The following CPD variants were observed in gnomAD, a reference collection of about 807,000 sequenced individuals.
CPD encodes the protein carboxypeptidase D, also known as metallocarboxypeptidase D.
In CPD, 69 loss-of-function variants were observed where a neutral mutation model predicts 138.3. That is an observed-to-expected ratio of 0.50 (90% CI 0.41 to 0.61). The LOEUF is 0.61. Among genes scored for constraint, CPD ranks in the 20% least tolerant of loss-of-function variants. The pLI, the probability that CPD is intolerant of heterozygous loss-of-function variation, is 0.00. For synonymous variants in CPD, 651 were observed against 642.1 expected (o/e 1.01, Z -0.21); for missense variants, 1,432 against 1,733.3 (o/e 0.83, Z 3.09).
rs1912449588 is a variant in CPD, at chr17:30,427,517, T to C, written c.1976T>C (p.Met659Thr). The C allele has an allele frequency of 6.2e-7, 1 of 1,614,060 alleles. No individual in the cohort carries two copies. The highest frequency in any genetic ancestry group is 1.7e-5 in the Admixed American group (1 of 60,008). ...GAAACTATTGCTGTAATGAGCTGGATGAAGTCCTATCCATTTGTACTTTCA... is the reference window on the plus strand; with the variant it reads ...GAAACTATTGCTGTAATGAGCTGGACGAAGTCCTATCCATTTGTACTTTCA... ...QPETIAVMSW[M>T]KSYPFVLSAN... The change falls in exon 7 of 21, where the codon ATG (methionine) becomes ACG (threonine). Residue 659 changes from methionine to threonine, a missense_variant. Coordinates refer to ENST00000225719, the MANE Select transcript of CPD (RefSeq NM_001304.5).
chr17:30,407,884 C>G (rs1158755477), intron 2 of CPD, among the ~76,000 whole-genome samples: 2 of 152,144 alleles, frequency 1.3e-5, no homozygotes, highest in Non-Finnish European at 2.9e-5. Flanking sequence ...GTCATGAAGT[C>G]TTTGTCCATG....
At chr17:30,419,741 C>G (rs1912218529) in intron 2 of CPD, among the ~76,000 whole-genome samples, 1 of 152,144 alleles carries the variant, frequency 6.6e-6, no homozygotes, top group South Asian at 2.1e-4. Flanking sequence ...TAAATAAAGA[C>G]CCATGTTAAT....
At chr17:30,442,272 T>A (rs771443869) in intron 9 of CPD, 36 bp from the exon 10 acceptor site, 17 of 1,603,372 alleles carry the variant, frequency 1.1e-5, no homozygotes, top group Non-Finnish European at 1.3e-5. Context: ...GTTTAGAACT[T>A]CTTCAGAGTG....
intron 14 of CPD, 129 bp from the exon 15 acceptor site, chr17:30,455,210 G>A (rs1165222426): frequency 3.8e-6 from 3 of 781,526 alleles, no homozygotes; most frequent in Non-Finnish European, 6.1e-6. Flanking sequence ...GGCTTATGGA[G>A]AAATAAAATA....
intron 2 of CPD, among the ~76,000 whole-genome samples, chr17:30,413,622 C>T (rs1274270493): frequency 1.3e-5 from 2 of 152,188 alleles, no homozygotes. Context: ...GTGGCAGGTA[C>T]TGTTTTAGTC....
intron 2 of CPD, among the ~76,000 whole-genome samples, chr17:30,398,759 C>G (rs943212493): frequency 4.6e-5 from 7 of 151,694 alleles, no homozygotes; most frequent in African/African-American, 1.5e-4. Context: ...ACAAAAAATT[C>G]TTGAATTATT....
At chr17:30,396,796 T>TCTTTC (rs535284558) in intron 2 of CPD, among the ~76,000 whole-genome samples, 10 of 152,292 alleles carry the variant, frequency 6.6e-5, no homozygotes, top group Middle Eastern at 3.4e-3. Flanking sequence ...TAGGTTTCTT[T>TCTTTC]CTTTCCTTTC....
At chr17:30,452,929 C>G (rs541888702) in intron 14 of CPD, among the ~76,000 whole-genome samples, 51 of 151,970 alleles carry the variant, frequency 3.4e-4, no homozygotes, top group African/African-American at 1.2e-3. Context: ...ATCTGATAAA[C>G]CCATCAGATC....
intron 12 of CPD, 118 bp downstream of exon 12, chr17:30,446,138 G>T: frequency 4.2e-6 from 3 of 720,816 alleles, no homozygotes; most frequent in Non-Finnish European, 4.4e-6. Context: ...ACAGAGAGTT[G>T]GAGTTTACTT....
Position 30,444,659 on chromosome 17 carries a change from T to C in CPD, c.2543+688T>C, listed in dbSNP as rs190213339. 6.0e-3 allele frequency among the ~76,000 whole-genome samples: 915 copies of C among 151,930 alleles called. 7 individuals carry two copies. The highest frequency in any genetic ancestry group is 0.01 in the Non-Finnish European group (693 of 67,906). On this transcript the variant is annotated intron_variant, in intron 11 of 20. Coordinates refer to ENST00000225719, the MANE Select transcript of CPD (RefSeq NM_001304.5). ...GTGCCTCAGCCTCCCAAGTAGTTGATATTACTGGTGTGTGCCACCACACCC... is the reference window on the plus strand; with the variant it reads ...GTGCCTCAGCCTCCCAAGTAGTTGACATTACTGGTGTGTGCCACCACACCC...
At position 30,469,578 on chromosome 17, in the gene CPD, TATAA is replaced by T. The variant is rs540596026; in HGVS notation, c.*4770_*4773del. 2.4e-4 allele frequency: 36 copies of T among 152,334 alleles called. No homozygotes were observed. Among genetic ancestry groups the T allele is most frequent in the African/African-American group, 7.2e-4 (30 of 41,580 alleles). The allele number at this position is 152,334 out of a possible 1,614,324, so 9.4% of individuals were successfully genotyped here. On this transcript the variant is annotated 3_prime_UTR_variant, in exon 21 of 21. Coordinates refer to ENST00000225719, the MANE Select transcript of CPD (RefSeq NM_001304.5). ...TGAAAGAAAGTTACTTTATCAAATGTATAAATAAAGATCTGTTTATAGGTGATCT... is the reference window on the plus strand; with the variant it reads ...TGAAAGAAAGTTACTTTATCAAATGTATAAAGATCTGTTTATAGGTGATCT...
chr17:30,393,303 T>A (rs1211542798), intron 2 of CPD, among the ~76,000 whole-genome samples: 1 of 152,178 alleles, frequency 6.6e-6, no homozygotes, highest in Non-Finnish European at 1.5e-5. Context: ...AGGAAGAGCA[T>A]GGGGAAAATA....
intron 17 of CPD, among the ~76,000 whole-genome samples, chr17:30,460,653 G>C (rs1480057231): frequency 6.6e-6 from 1 of 152,202 alleles, no homozygotes; most frequent in East Asian, 1.9e-4. Flanking sequence ...AAAAAGAAGA[G>C]ATTTTGGGAA....
intron 2 of CPD, among the ~76,000 whole-genome samples, chr17:30,412,333 AGGGACCCACTT>A (rs1478889513): frequency 1.3e-5 from 2 of 152,352 alleles, no homozygotes; most frequent in East Asian, 3.9e-4. Context: ...ACATGGGATC[AGGGACCCACTT>A]GAAGAGGCAG....
At chr17:30,431,414 CT>C (rs1912560790) in intron 7 of CPD, among the ~76,000 whole-genome samples, 1 of 152,132 alleles carries the variant, frequency 6.6e-6, no homozygotes, top group African/African-American at 2.4e-5. Flanking sequence ...TGTCTTTTCT[CT>C]TTCTTATGTT....
At chr17:30,454,411 T>A (rs1448813131) in intron 14 of CPD, 1 of 152,240 alleles carries the variant, frequency 6.6e-6, no homozygotes, top group Non-Finnish European at 1.5e-5. Context: ...TCATCTTTGC[T>A]CCAGTTCCCA....
intron 6 of CPD, 97 bp from the exon 7 acceptor site, chr17:30,427,294 C>A: frequency 1.9e-6 from 2 of 1,058,252 alleles, no homozygotes; most frequent in Non-Finnish European, 1.4e-6. Context: ...CTGATGTGTT[C>A]ACATTTGCCT....
intron 12 of CPD, among the ~76,000 whole-genome samples, chr17:30,449,170 T>C (rs560898586): frequency 1.3e-5 from 2 of 152,192 alleles, no homozygotes; most frequent in South Asian, 2.1e-4. Context: ...TTATCTATGT[T>C]CATACATACT....
At chr17:30,454,035 G>A (rs978852288) in intron 14 of CPD, 7 of 152,200 alleles carry the variant, frequency 4.6e-5, no homozygotes, top group African/African-American at 1.7e-4. Context: ...CCAGGCCTTT[G>A]ATGGGAGGGG....
Sources: gnomAD v4.1 joint callset for allele counts (sites outside exome capture counted in the v4.1 genomes callset) on GRCh38, gnomAD v4.1.1 for gene constraint, MANE v1.5 for transcripts, NCBI Gene and HGNC (gene_info 2026-07-23, HGNC 2026-07-21) for gene names.